The following TMEM91 variants were observed in gnomAD, a reference collection of about 807,000 sequenced individuals.
TMEM91 encodes the protein dispanin subfamily C member 3.
TMEM91 carries 6 observed loss-of-function variants against 13.3 expected under a neutral mutation model. The observed-to-expected ratio is 0.45, with a 90% CI of 0.25 to 0.89. The LOEUF is 0.89. Ranked by LOEUF, TMEM91 falls within the 40% of genes least tolerant of loss-of-function variation. The pLI is 0.19. For synonymous variants in TMEM91, 87 were observed against 101.7 expected, an observed-to-expected ratio of 0.86 and a Z score of 0.87; for missense variants, 193 against 228.7, an observed-to-expected ratio of 0.84 and a Z score of 1.01.
At chr19:41,375,376 C>G (rs1414913381), upstream of TMEM91, among the ~76,000 whole-genome samples, 1 of 137,900 alleles carries the variant, frequency 7.3e-6, no homozygotes, top group Non-Finnish European at 1.5e-5. Flanking sequence ...CCTCCCGGGT[C>G]CACGCCATTC....
chr19:41,379,567 GAA>G (rs1302019587), intron 2 of TMEM91, among the ~76,000 whole-genome samples: 1 of 148,138 alleles, frequency 6.8e-6, no homozygotes, highest in East Asian at 2.0e-4. Context: ...GAGAGAGAGA[GAA>G]AGAGAGAGGG....
rs1047001511 is a variant in TMEM91, at chr19:41,378,626, G to A, written c.210+107G>A. On this transcript the variant is annotated intron_variant, in intron 2 of 3. Transcript: ENST00000392002. Reference sequence around the variant, plus strand: ...AGCTGTGCCGATCTGCCTTAGGCCTGGAGTCTCACTTCCCAGCTGTGTGTG... The same window carrying A: ...AGCTGTGCCGATCTGCCTTAGGCCTAGAGTCTCACTTCCCAGCTGTGTGTG... 5.3e-6 allele frequency: 6 copies of A among 1,134,438 alleles called. No individual in the cohort carries two copies. The African/African-American group carries it at 9.3e-5, about 18-fold the overall frequency. 70.3% of individuals were successfully genotyped at this position (1,134,438 alleles called of 1,614,324 possible). A position where few individuals can be genotyped will look rare whatever the true frequency, so the allele number is the denominator to read the frequency against.
Position 41,376,867 on chromosome 19 carries a change from C to T in TMEM91, c.-30+13C>T, listed in dbSNP as rs2038731752. The T allele has an allele frequency of 6.6e-6, 1 of 152,332 alleles. No individual in the cohort carries two copies. Among genetic ancestry groups the T allele is most frequent in the Admixed American group, 6.6e-5 (1 of 15,266 alleles). 9.4% of individuals were successfully genotyped at this position (152,332 alleles called of 1,614,324 possible). A position where few individuals can be genotyped will look rare whatever the true frequency, so the allele number is the denominator to read the frequency against. On this transcript the variant is annotated intron_variant, in intron 1 of 3. Coordinates refer to ENST00000392002, the MANE Select transcript of TMEM91 (RefSeq NM_001098821.2). ...GTGATCGTGAGCGGTGAGTGAGGGACGTAGGTGGGTGGGGGTCACAGTCCC... is the reference window on the plus strand; with the variant it reads ...GTGATCGTGAGCGGTGAGTGAGGGATGTAGGTGGGTGGGGGTCACAGTCCC...
chr19:41,375,439 C>A (rs146330743), upstream of TMEM91, among the ~76,000 whole-genome samples: 4,718 of 151,070 alleles, frequency 0.031, 229 homozygotes, highest in African/African-American at 0.11. Flanking sequence ...CCACCAAGCC[C>A]GGCTAATTTT....
chr19:41,380,070 T>G (rs1831985705), intron 2 of TMEM91, among the ~76,000 whole-genome samples: 1 of 151,890 alleles, frequency 6.6e-6, no homozygotes, highest in Non-Finnish European at 1.5e-5. Flanking sequence ...TAATTTTGTA[T>G]TTTTAGTAGA....
chr19:41,365,715 T>G (rs1191717002), intron 1 of TMEM91, among the ~76,000 whole-genome samples: 3 of 139,658 alleles, frequency 2.1e-5, no homozygotes, highest in Non-Finnish European at 4.7e-5. Flanking sequence ...GGGTTTTTTT[T>G]TTTTTTTTTT....
intron 2 of TMEM91, among the ~76,000 whole-genome samples, chr19:41,379,033 C>T (rs1051349256): frequency 1.3e-5 from 2 of 151,040 alleles, no homozygotes; most frequent in African/African-American, 4.9e-5. Flanking sequence ...GAGGTTTTGT[C>T]ATGTTGCCCA....
intron 1 of TMEM91, among the ~76,000 whole-genome samples, chr19:41,377,633 GGTAA>G (rs1358677204): frequency 2.0e-5 from 3 of 151,940 alleles, no homozygotes; most frequent in Admixed American, 6.6e-5. Flanking sequence ...TTGTGGGGCA[GGTAA>G]GTGTGTAAGG....
intron 1 of TMEM91, among the ~76,000 whole-genome samples, chr19:41,370,574 T>G (rs1398922690): frequency 6.6e-6 from 1 of 150,720 alleles, no homozygotes; most frequent in Non-Finnish European, 1.5e-5. Flanking sequence ...GTCCAGCTAA[T>G]TTTTGTATTT....
Position 41,378,348 on chromosome 19 carries a change from G to C in TMEM91, c.39G>C (p.Leu13=), listed in dbSNP as rs765072017. ...GTCTTCGTGAGCTTCAACAGCCTCT[G>C]CTGGAGGGCACAGAATGTGAGACCC... ...SPSLRELQQP[L]LEGTECETPA... The change falls in exon 2 of 4, where the codon CTG becomes CTC. Residue 13 remains leucine, a synonymous_variant. Transcript: ENST00000392002. The C allele has an allele frequency of 1.2e-6, 2 of 1,614,190 alleles. No homozygotes were observed. The highest frequency in any genetic ancestry group is 1.7e-6 in the Non-Finnish European group (2 of 1,180,024).
intron 1 of TMEM91, among the ~76,000 whole-genome samples, chr19:41,377,679 G>C (rs1025841840): frequency 6.6e-6 from 1 of 151,956 alleles, no homozygotes; most frequent in Admixed American, 6.6e-5. Flanking sequence ...ACTTATTGGG[G>C]TAAGTGTGAT....
upstream of TMEM91, among the ~76,000 whole-genome samples, chr19:41,372,495 C>G (rs886954355): frequency 3.4e-5 from 5 of 145,520 alleles, no homozygotes; most frequent in Non-Finnish European, 6.0e-5. Context: ...GCCACTGTAC[C>G]TGGCCAGCAC....
At chr19:41,372,434 A>C (rs929395057), upstream of TMEM91, among the ~76,000 whole-genome samples, 2 of 152,028 alleles carry the variant, frequency 1.3e-5, no homozygotes, top group African/African-American at 4.8e-5. Context: ...CTCCTGCTTC[A>C]GCCTCTGGGA....
In TMEM91 at chr19:41,378,448, T is replaced by C. The variant is rs779621301; in HGVS notation, c.139T>C (p.Leu47=). The change falls in exon 2 of 4, where the codon TTG becomes CTG. Residue 47 remains leucine, a synonymous_variant. Transcript: ENST00000392002. The stretch of plus-strand genomic sequence containing the variant: ...AGCCTTTGCCGAGTCCCTGAGGGGT[T>C]TGCAGTTCCTGTCACCGCCTCTTCC... ...EIAFAESLRG[L]QFLSPPLPSV... 3 of 1,614,004 alleles carry C rather than the reference T, an allele frequency of 1.9e-6. No individual in the cohort carries two copies. Among genetic ancestry groups the C allele is most frequent in the African/African-American group, 1.3e-5 (1 of 74,918 alleles).
At chr19:41,367,939 A>G (rs759663530) in intron 1 of TMEM91, among the ~76,000 whole-genome samples, 1 of 152,016 alleles carries the variant, frequency 6.6e-6, no homozygotes, top group Non-Finnish European at 1.5e-5. Context: ...GCCTAGGAGT[A>G]ATGTTCTGAG....
chr19:41,369,269 C>T (rs991196646), intron 1 of TMEM91, among the ~76,000 whole-genome samples: 2 of 152,118 alleles, frequency 1.3e-5, no homozygotes, highest in African/African-American at 2.4e-5. Flanking sequence ...CCTCTGCCTC[C>T]TGGGTTCAAG....
intron 2 of TMEM91, among the ~76,000 whole-genome samples, chr19:41,379,736 CT>C (rs2038831439): frequency 6.6e-6 from 1 of 151,976 alleles, no homozygotes; most frequent in African/African-American, 2.4e-5. Context: ...ATGATGAACT[CT>C]TACGGTTTCT....
In TMEM91 at chr19:41,365,012, A is replaced by G. The variant is rs369669116; in HGVS notation, c.-30+917A>G. Among the ~76,000 whole-genome samples, 22 of 151,378 alleles carry G rather than the reference A, an allele frequency of 1.5e-4. No individual in the cohort carries two copies. In the East Asian group the frequency reaches 2.9e-3, roughly 20 times the overall value. The stretch of plus-strand genomic sequence containing the variant: ...TACCTCAGCCTCCCATGTAGCTGGT[A>G]TCACAGACATGCACCACCACGGCTG... On this transcript the variant is annotated intron_variant, in intron 1 of 3. Transcript: ENST00000413014.
chr19:41,372,914 T>A (rs1293425032), upstream of TMEM91, among the ~76,000 whole-genome samples: 1 of 148,956 alleles, frequency 6.7e-6, no homozygotes, highest in Non-Finnish European at 1.5e-5. Context: ...CAATCCTTGC[T>A]GGAATCTCGT....
Sources: gnomAD v4.1 joint callset for allele counts (sites outside exome capture counted in the v4.1 genomes callset) on GRCh38, gnomAD v4.1.1 for gene constraint, MANE v1.5 for transcripts, NCBI Gene and HGNC (gene_info 2026-07-23, HGNC 2026-07-21) for gene names.